Variants in BTBD9 observed in about 807,000 individuals in gnomAD.
The protein encoded by BTBD9 is BTB/POZ domain-containing protein 9.
BTBD9 carries 49 observed loss-of-function variants against 64.3 expected under a neutral mutation model. The observed-to-expected ratio is 0.76, with a 90% CI of 0.61 to 0.97. BTBD9 has a LOEUF of 0.97. Among genes scored for constraint, BTBD9 ranks in the 50% least tolerant of loss-of-function variants. The pLI is 0.00. For missense variants in BTBD9, 598 were observed against 762.1 expected, an observed-to-expected ratio of 0.78 and a Z score of 2.53; for synonymous variants, 260 against 274.7, an observed-to-expected ratio of 0.95 and a Z score of 0.53.
intron 6 of BTBD9, among the ~76,000 whole-genome samples, chr6:38,482,697 G>C (rs1771212663): frequency 6.6e-6 from 1 of 152,044 alleles, no homozygotes; most frequent in African/African-American, 2.4e-5. Flanking sequence ...AGTTTAGTGG[G>C]GGAGACAGAC....
chr6:38,396,163 A>T (rs1766662674), intron 6 of BTBD9, among the ~76,000 whole-genome samples: 1 of 152,214 alleles, frequency 6.6e-6, no homozygotes, highest in Admixed American at 6.5e-5. Flanking sequence ...ATTAGCCTTT[A>T]TCATGAAAAC....
At chr6:38,417,773 G>A (rs1186582146) in intron 6 of BTBD9, among the ~76,000 whole-genome samples, 3 of 69,944 alleles carry the variant, frequency 4.3e-5, no homozygotes, top group African/African-American at 2.3e-4. Context: ...ACCCTGTCTC[G>A]AGGAGAGAGA....
rs377395998 is a variant in BTBD9 at position 38,577,623 on chromosome 6, T to C, written c.1131A>G (p.Leu377=). The C allele has an allele frequency of 5.6e-6, 9 of 1,609,618 alleles. No individual in the cohort carries two copies. The highest frequency in any genetic ancestry group is 1.1e-5 in the South Asian group (1 of 90,870). The part of the protein sequence containing the change: ...SQYLCRSWQK[L]YFPARVCRYI... ...ACCTGCAGACACGGGCTGGAAAATA[T>C]AATTTCTGCCAAGAACGACACAGAT... The change falls in exon 6 of 11, where the codon TTA becomes TTG. Residue 377 remains leucine (L), a synonymous_variant. Transcript: ENST00000481247.
At chr6:38,312,723 T>C (rs1762883169) in intron 7 of BTBD9, among the ~76,000 whole-genome samples, 1 of 152,220 alleles carries the variant, frequency 6.6e-6, no homozygotes, top group South Asian at 2.1e-4. Flanking sequence ...TGTAGTTGTG[T>C]GGATTTATTT....
intron 9 of BTBD9, among the ~76,000 whole-genome samples, chr6:38,233,800 T>A (rs888702584): frequency 3.9e-5 from 6 of 152,240 alleles, no homozygotes; most frequent in East Asian, 1.9e-4. Context: ...ACAATTTGCA[T>A]GCATAATGTA....
intron 6 of BTBD9, among the ~76,000 whole-genome samples, chr6:38,432,561 A>G (rs984964284): frequency 5.9e-5 from 9 of 151,998 alleles, no homozygotes; most frequent in Non-Finnish European, 5.9e-5. Flanking sequence ...GACAGAGGTC[A>G]TAAGATTTGT....
intron 6 of BTBD9, chr6:38,571,581 T>C (rs1289195784): frequency 1.3e-5 from 2 of 152,220 alleles, no homozygotes; most frequent in Admixed American, 1.3e-4. Context: ...AGTATTCCTC[T>C]AATGAGGTCT....
intron 7 of BTBD9, among the ~76,000 whole-genome samples, chr6:38,305,758 A>G (rs1762603294): frequency 6.6e-6 from 1 of 152,166 alleles, no homozygotes; most frequent in Non-Finnish European, 1.5e-5. Context: ...TGCTAAGATT[A>G]CAGGTATGAG....
At chr6:38,293,882 C>T (rs1762058896) in intron 7 of BTBD9, among the ~76,000 whole-genome samples, 1 of 152,044 alleles carries the variant, frequency 6.6e-6, no homozygotes, top group South Asian at 2.1e-4. Context: ...AGTGAACAGG[C>T]AACCTACAGA....
chr6:38,228,655 C>T (rs1763494703), intron 9 of BTBD9, among the ~76,000 whole-genome samples: 2 of 150,926 alleles, frequency 1.3e-5, no homozygotes, highest in African/African-American at 4.9e-5. Context: ...GTGGGTAGAT[C>T]GTGAGGTCAG....
At position 38,346,899 on chromosome 6, in the gene BTBD9, T is replaced by C. The variant is rs1764301590; in HGVS notation, c.1155-1806A>G. 3.3e-5 allele frequency among the ~76,000 whole-genome samples: 5 copies of C among 152,202 alleles called. No homozygotes were observed. In the South Asian group the frequency reaches 1.0e-3, roughly 31 times the overall value. On this transcript the variant is annotated intron_variant, in intron 6 of 10. Transcript: ENST00000481247. ...TAGAGGGAATGTGGTTTAGTGGAATTTGATCAGATCATTTCGCTATTCTCT... is the reference window on the plus strand; with the variant it reads ...TAGAGGGAATGTGGTTTAGTGGAATCTGATCAGATCATTTCGCTATTCTCT...
intron 7 of BTBD9, among the ~76,000 whole-genome samples, chr6:38,291,806 C>T (rs1403850570): frequency 5.3e-5 from 8 of 152,004 alleles, no homozygotes; most frequent in Non-Finnish European, 8.8e-5. Flanking sequence ...TATTGATTTG[C>T]GTATGTTGAA....
chr6:38,317,537 T>A (rs1315098606), intron 7 of BTBD9, among the ~76,000 whole-genome samples: 1 of 152,210 alleles, frequency 6.6e-6, no homozygotes, highest in Non-Finnish European at 1.5e-5. Flanking sequence ...AATATTGATA[T>A]TTTTCTCTGA....
rs183015103 is a variant in BTBD9 at position 38,290,555 on chromosome 6, G to A, written c.1265-2094C>T. On this transcript the variant is annotated intron_variant, in intron 7 of 10. Coordinates refer to ENST00000481247, the MANE Select transcript of BTBD9 (RefSeq NM_001099272.2). The stretch of plus-strand genomic sequence containing the variant: ...ACATTTATTTTTTCACTCACCCTAT[G>A]TATTCAGTGACGATCAGCCAGGAGG... Among the ~76,000 whole-genome samples, 427 of 152,178 alleles carry A rather than the reference G, an allele frequency of 2.8e-3. 3 individuals carry two copies. The highest frequency in any genetic ancestry group is 0.01 in the African/African-American group (417 of 41,506).
intron 10 of BTBD9, among the ~76,000 whole-genome samples, chr6:38,176,361 CTG>C (rs1377392176): frequency 6.6e-6 from 1 of 152,222 alleles, no homozygotes; most frequent in Non-Finnish European, 1.5e-5. Flanking sequence ...TTATTGACCA[CTG>C]TTTTAAATTT....
chr6:38,606,942 G>A (rs1359465047), intron 1 of BTBD9, among the ~76,000 whole-genome samples: 2 of 152,132 alleles, frequency 1.3e-5, no homozygotes, highest in East Asian at 3.8e-4. Context: ...CTAAGTAAAT[G>A]TAAGATATCA....
intron 6 of BTBD9, among the ~76,000 whole-genome samples, chr6:38,494,132 C>T (rs1169193833): frequency 1.3e-5 from 2 of 152,184 alleles, no homozygotes; most frequent in African/African-American, 2.4e-5. Context: ...AGTAGCACAG[C>T]GCCCTCCAGT....
At chr6:38,437,341 C>G (rs935481880) in intron 6 of BTBD9, among the ~76,000 whole-genome samples, 8 of 152,126 alleles carry the variant, frequency 5.3e-5, no homozygotes, top group African/African-American at 7.2e-5. Context: ...TTACCCCTGT[C>G]CCCCATGGCT....
chr6:38,381,541 C>T (rs771338149), intron 6 of BTBD9, among the ~76,000 whole-genome samples: 2 of 152,100 alleles, frequency 1.3e-5, no homozygotes, highest in Non-Finnish European at 2.9e-5. Context: ...ACTGATAGAT[C>T]AACCAGACAA....
Sources: gnomAD v4.1 joint callset for allele counts (sites outside exome capture counted in the v4.1 genomes callset) on GRCh38, gnomAD v4.1.1 for gene constraint, MANE v1.5 for transcripts, NCBI Gene and HGNC (gene_info 2026-07-23, HGNC 2026-07-21) for gene names.